The following ESRRG variants were observed in gnomAD, a reference collection of about 807,000 sequenced individuals.
ESRRG encodes the protein estrogen related receptor gamma.
In ESRRG, 13 loss-of-function variants were observed where a neutral mutation model predicts 44.0. The observed-to-expected ratio is 0.30, with a 90% CI of 0.19 to 0.47. The LOEUF (loss-of-function observed/expected upper bound fraction) is 0.47, where lower values mean the gene tolerates loss of function less well. ESRRG is among the 20% of genes least tolerant of loss of function. The pLI, the probability that ESRRG is intolerant of heterozygous loss-of-function variation, is 1.00. For synonymous variants in ESRRG, 215 were observed against 214.6 expected, an observed-to-expected ratio of 1.00 and a Z score of -0.02; for missense variants, 395 against 580.6, an observed-to-expected ratio of 0.68 and a Z score of 3.29.
At chr1:216,545,877 A>C (rs893147295) in intron 5 of ESRRG, among the ~76,000 whole-genome samples, 1 of 152,092 alleles carries the variant, frequency 6.6e-6, no homozygotes, top group African/African-American at 2.4e-5. Flanking sequence ...CAGAGTGCTC[A>C]TGAAAATATA....
chr1:216,872,144 G>A (rs2096267647), intron 2 of ESRRG, among the ~76,000 whole-genome samples: 1 of 151,952 alleles, frequency 6.6e-6, no homozygotes, highest in Admixed American at 6.6e-5. Flanking sequence ...TACCCTCTAT[G>A]GTTTCTGATG....
chr1:217,106,451 G>A (rs2092598248), intron 1 of ESRRG, among the ~76,000 whole-genome samples: 2 of 151,668 alleles, frequency 1.3e-5, no homozygotes, highest in African/African-American at 4.9e-5. Flanking sequence ...TTTTTTAAGC[G>A]ATTCTATGAC....
At chr1:216,757,967 G>T (rs1405793047) in intron 2 of ESRRG, among the ~76,000 whole-genome samples, 2 of 151,954 alleles carry the variant, frequency 1.3e-5, no homozygotes, top group East Asian at 3.9e-4. Context: ...AGAAATAAGA[G>T]AAATGAACAA....
At chr1:216,590,839 G>A (rs115460477) in intron 3 of ESRRG, among the ~76,000 whole-genome samples, 188 of 152,160 alleles carry the variant, frequency 1.2e-3, no homozygotes, top group African/African-American at 4.1e-3. Context: ...GGATGATAAC[G>A]TAAGTTCCTT....
intron 3 of ESRRG, among the ~76,000 whole-genome samples, chr1:216,625,006 A>T (rs909724745): frequency 6.6e-6 from 1 of 152,052 alleles, no homozygotes; most frequent in African/African-American, 2.4e-5. Context: ...TTGAACCTTC[A>T]TTCAAAATGC....
intron 1 of ESRRG, among the ~76,000 whole-genome samples, chr1:216,689,844 C>A (rs9804067): frequency 0.06 from 9,028 of 150,846 alleles, 858 homozygotes; most frequent in African/African-American, 0.21. Flanking sequence ...TGTGCTAATT[C>A]TGATATCTCT....
chr1:216,781,853 T>C (rs1188019400), intron 2 of ESRRG, among the ~76,000 whole-genome samples: 1 of 152,054 alleles, frequency 6.6e-6, no homozygotes, highest in African/African-American at 2.4e-5. Context: ...CAGTTTCATA[T>C]TTATGTACTG....
rs191344415 is a variant in ESRRG at position 217,017,139 on chromosome 1, T to C, written c.-106+72368A>G. On this transcript the variant is annotated intron_variant, in intron 1 of 7. Transcript: ENST00000359162. Reference sequence around the variant, plus strand: ...AGTAAAAAGCTTCTTATTTTAGAACTGTAGACAGTTAGCTTATCCAATGAC... The same window carrying C: ...AGTAAAAAGCTTCTTATTTTAGAACCGTAGACAGTTAGCTTATCCAATGAC... Among the ~76,000 whole-genome samples the C allele has an allele frequency of 1.3e-3, 201 of 152,246 alleles. 1 individual carries two copies. The highest frequency in any genetic ancestry group is 4.7e-3 in the African/African-American group (195 of 41,548).
At chr1:216,951,777 G>C (rs1021927100) in intron 1 of ESRRG, among the ~76,000 whole-genome samples, 1 of 148,370 alleles carries the variant, frequency 6.7e-6, no homozygotes, top group East Asian at 2.0e-4. Context: ...AAAAATAAAA[G>C]CTTGCATTAA....
intron 2 of ESRRG, among the ~76,000 whole-genome samples, chr1:216,906,117 G>GTA (rs2059662466): frequency 1.3e-5 from 2 of 152,200 alleles, no homozygotes; most frequent in Admixed American, 1.3e-4. Context: ...GTATGTACTA[G>GTA]TGATTAACAA....
chr1:216,580,311 GGCGTGTTTTCTTAA>G (rs2062512407), intron 3 of ESRRG, among the ~76,000 whole-genome samples: 1 of 151,924 alleles, frequency 6.6e-6, no homozygotes, highest in Admixed American at 6.6e-5. Context: ...ATTCTTGTTT[GGCGTGTTTTCTTAA>G]TGCACCAGTG....
At chr1:216,798,541 A>G (rs1212796101) in intron 2 of ESRRG, among the ~76,000 whole-genome samples, 2 of 152,324 alleles carry the variant, frequency 1.3e-5, no homozygotes, top group South Asian at 2.1e-4. Context: ...ACTTATGGTC[A>G]TCAACAGCAG....
At chr1:216,894,814 G>A (rs1365061893) in intron 2 of ESRRG, among the ~76,000 whole-genome samples, 2 of 152,012 alleles carry the variant, frequency 1.3e-5, no homozygotes, top group African/African-American at 4.8e-5. Flanking sequence ...ACTAATCAAT[G>A]GGAAAATCAC....
At chr1:217,002,057 T>A (rs2077094817) in intron 1 of ESRRG, among the ~76,000 whole-genome samples, 1 of 151,784 alleles carries the variant, frequency 6.6e-6, no homozygotes, top group African/African-American at 2.4e-5. Context: ...ATCCCAGCAC[T>A]TTGGGAGGCC....
intron 3 of ESRRG, among the ~76,000 whole-genome samples, chr1:216,626,192 A>G (rs1273659325): frequency 1.3e-5 from 2 of 152,124 alleles, no homozygotes; most frequent in East Asian, 3.9e-4. Flanking sequence ...ATTTCTTTTT[A>G]CTACTTCTTC....
chr1:216,770,220 A>G (rs944662366), intron 2 of ESRRG, among the ~76,000 whole-genome samples: 4 of 152,086 alleles, frequency 2.6e-5, no homozygotes, highest in African/African-American at 9.7e-5. Context: ...TCACTTAGGA[A>G]ATCTGGTGGT....
chr1:216,917,489 C>T (rs907042429), intron 2 of ESRRG, among the ~76,000 whole-genome samples: 1 of 152,160 alleles, frequency 6.6e-6, no homozygotes, highest in Non-Finnish European at 1.5e-5. Context: ...CACAGTTAAA[C>T]GTGATAATGA....
chr1:216,904,083 G>T (rs552006923), intron 2 of ESRRG, among the ~76,000 whole-genome samples: 2 of 152,030 alleles, frequency 1.3e-5, no homozygotes, highest in Admixed American at 6.6e-5. Flanking sequence ...GTTGCTGTAC[G>T]TATTAAAGAT....
At chr1:216,611,211 C>CAAAAAAAA (rs397861468) in intron 3 of ESRRG, among the ~76,000 whole-genome samples, 3 of 60,438 alleles carry the variant, frequency 5.0e-5, no homozygotes, top group African/African-American at 1.6e-4. Context: ...ACTCCGTCCT[C>CAAAAAAAA]AAAAAAAAAA....
Sources: allele counts gnomAD v4.1 joint callset (sites outside exome capture counted in the v4.1 genomes callset), GRCh38; gene constraint gnomAD v4.1.1; transcripts MANE v1.5; gene names NCBI Gene and HGNC (gene_info 2026-07-23, HGNC 2026-07-21).